The following RMST variants were observed in gnomAD, a reference collection of about 807,000 sequenced individuals.
RMST encodes long intergenic non-protein coding RNA 54.
intron 5 of RMST, among the ~76,000 whole-genome samples, chr12:97,482,056 T>C (rs1425285902): frequency 1.3e-5 from 2 of 152,210 alleles, no homozygotes; most frequent in Non-Finnish European, 2.9e-5. Flanking sequence ...TTTTTGTTCC[T>C]CCTAATATCA....
chr12:97,469,113 A>AAAGATTT (rs1873561080), intron 5 of RMST, among the ~76,000 whole-genome samples: 1 of 151,130 alleles, frequency 6.6e-6, no homozygotes, highest in East Asian at 1.9e-4. Context: ...GTAAAAGGGG[A>AAAGATTT]AAGATTTATA....
chr12:97,541,600 G>A (rs1296546094), intron 11 of RMST, among the ~76,000 whole-genome samples: 3 of 151,308 alleles, frequency 2.0e-5, no homozygotes, highest in Non-Finnish European at 4.4e-5. Context: ...TGGAGTGGGC[G>A]AGTTAGAAAA....
At chr12:97,503,807 T>C (rs552340040) in intron 10 of RMST, among the ~76,000 whole-genome samples, 1 of 152,384 alleles carries the variant, frequency 6.6e-6, no homozygotes, top group Admixed American at 6.5e-5. Flanking sequence ...TATTCCCATC[T>C]AGAATATTGC....
intron 5 of RMST, among the ~76,000 whole-genome samples, chr12:97,486,904 G>A (rs1452021414): frequency 1.3e-5 from 2 of 152,156 alleles, no homozygotes; most frequent in Admixed American, 1.3e-4. Flanking sequence ...CATGCTATAC[G>A]ACTTGTAATT....
At chr12:97,488,892 C>T (rs187940104) in intron 5 of RMST, among the ~76,000 whole-genome samples, 60 of 152,266 alleles carry the variant, frequency 3.9e-4, no homozygotes, top group African/African-American at 1.4e-3. Context: ...CCATTTCTAA[C>T]TCACCCATAT....
chr12:97,488,067 G>C (rs1186636897), intron 5 of RMST, among the ~76,000 whole-genome samples: 1 of 152,194 alleles, frequency 6.6e-6, no homozygotes, highest in Non-Finnish European at 1.5e-5. Context: ...CCTGGAGACT[G>C]ATGATAGCTA....
At chr12:97,526,096 A>G (rs1881084064) in intron 10 of RMST, among the ~76,000 whole-genome samples, 1 of 152,044 alleles carries the variant, frequency 6.6e-6, no homozygotes. Context: ...GGTGAGTTGT[A>G]TAATTATTTC....
intron 11 of RMST, among the ~76,000 whole-genome samples, chr12:97,556,315 G>C (rs1883701618): frequency 6.6e-6 from 1 of 152,110 alleles, no homozygotes; most frequent in African/African-American, 2.4e-5. Context: ...TCTTCTGTGA[G>C]TCCAAATGCA....
chr12:97,550,584 A>T (rs879616074), intron 11 of RMST, among the ~76,000 whole-genome samples: 3 of 152,144 alleles, frequency 2.0e-5, no homozygotes, highest in Non-Finnish European at 2.9e-5. Context: ...ATATTCATAG[A>T]TTCCTGTCAG....
intron 10 of RMST, among the ~76,000 whole-genome samples, chr12:97,524,747 T>TATTTG (rs1880918528): frequency 6.6e-6 from 1 of 152,198 alleles, no homozygotes; most frequent in Non-Finnish European, 1.5e-5. Flanking sequence ...GGAGCTGAAC[T>TATTTG]TTTTAAAAGT....
intron 5 of RMST, among the ~76,000 whole-genome samples, chr12:97,472,664 G>C (rs1874063831): frequency 6.6e-6 from 1 of 152,016 alleles, no homozygotes; most frequent in Non-Finnish European, 1.5e-5. Flanking sequence ...AAGATAAATG[G>C]GTACATATGA....
intron 5 of RMST, among the ~76,000 whole-genome samples, chr12:97,469,913 T>A (rs1192599824): frequency 6.6e-6 from 1 of 152,162 alleles, no homozygotes; most frequent in Admixed American, 6.6e-5. Context: ...ATGTCAAACC[T>A]TTTTAGATCT....
intron 5 of RMST, among the ~76,000 whole-genome samples, chr12:97,483,235 T>C (rs7963126): frequency 0.82 from 125,412 of 152,130 alleles, 51,998 homozygotes; most frequent in Middle Eastern, 0.91. Flanking sequence ...GTGCTTTCGC[T>C]TAAGCCCATG....
chr12:97,506,969 A>T (rs1484384110), intron 10 of RMST, among the ~76,000 whole-genome samples: 1 of 152,132 alleles, frequency 6.6e-6, no homozygotes, highest in Non-Finnish European at 1.5e-5. Flanking sequence ...GGCATGAGCC[A>T]CTGCGCCCGG....
chr12:97,478,602 T>C (rs1031708321), intron 5 of RMST, among the ~76,000 whole-genome samples: 1 of 152,188 alleles, frequency 6.6e-6, no homozygotes, highest in Non-Finnish European at 1.5e-5. Context: ...GTGAGTATAA[T>C]TGGCATTCCC....
intron 11 of RMST, among the ~76,000 whole-genome samples, chr12:97,549,284 T>C (rs1296185780): frequency 6.6e-6 from 1 of 152,206 alleles, no homozygotes; most frequent in Non-Finnish European, 1.5e-5. Flanking sequence ...ACATTTTGTA[T>C]AAATATGTAT....
chr12:97,492,676 T>C (rs1876966860), intron 6 of RMST: 1 of 152,202 alleles, frequency 6.6e-6, no homozygotes, highest in African/African-American at 2.4e-5. Flanking sequence ...TCAAGAAAAG[T>C]AGAAAGGCTG....
chr12:97,490,791 T>G (rs1271893219), intron 5 of RMST, among the ~76,000 whole-genome samples: 1 of 152,186 alleles, frequency 6.6e-6, no homozygotes, highest in East Asian at 1.9e-4. Flanking sequence ...TTTAAAAAAC[T>G]AATCAGCCAG....
intron 10 of RMST, among the ~76,000 whole-genome samples, chr12:97,512,877 G>C (rs558029886): frequency 1.3e-5 from 2 of 152,188 alleles, no homozygotes; most frequent in East Asian, 1.9e-4. Context: ...AGGAGCCCAC[G>C]GAGGCGAGGG....
Sources: gnomAD v4.1 joint callset for allele counts (sites outside exome capture counted in the v4.1 genomes callset) on GRCh38, gnomAD v4.1.1 for gene constraint, MANE v1.5 for transcripts, NCBI Gene and HGNC (gene_info 2026-07-23, HGNC 2026-07-21) for gene names.